Variants in EEFSEC observed in about 807,000 individuals in gnomAD.
EEFSEC encodes eukaryotic elongation factor, selenocysteine-tRNA specific, also known as selenocysteine-specific elongation factor.
Under a neutral mutation model 42.1 loss-of-function variants are expected in EEFSEC, and 43 were observed. That is an observed-to-expected ratio of 1.02 (90% CI 0.80 to 1.32). EEFSEC has a LOEUF of 1.32. Among genes scored for constraint, EEFSEC ranks in the 40% most tolerant of loss-of-function variants. The pLI is 0.00. For missense variants in EEFSEC, 745 were observed against 803.6 expected (o/e 0.93, Z 0.88); for synonymous variants, 354 against 339.1 (o/e 1.04, Z -0.48).
chr3:128,394,762 A>C (rs1230585012), intron 6 of EEFSEC, among the ~76,000 whole-genome samples: 1 of 152,136 alleles, frequency 6.6e-6, no homozygotes, highest in Non-Finnish European at 1.5e-5. Flanking sequence ...GGAGGGGCCC[A>C]TCCTTGCCTC....
chr3:128,418,677 C>G, the EEFSEC span, among the ~76,000 whole-genome samples: 1 of 152,028 alleles, frequency 6.6e-6, no homozygotes, highest in East Asian at 1.9e-4. Flanking sequence ...TGCCCAGCAC[C>G]CTTGACTGTG....
intron 1 of EEFSEC, among the ~76,000 whole-genome samples, chr3:128,154,437 A>G (rs189181160): frequency 1.3e-5 from 2 of 148,914 alleles, no homozygotes; most frequent in African/African-American, 4.9e-5. Context: ...TTGTACCAAC[A>G]TTTTCTTTTT....
intron 1 of EEFSEC, among the ~76,000 whole-genome samples, chr3:128,165,291 C>T (rs1482552651): frequency 6.6e-6 from 1 of 152,250 alleles, no homozygotes; most frequent in Non-Finnish European, 1.5e-5. Context: ...AAGCTGCTCT[C>T]AGACCTTAGC....
chr3:128,344,411 G>A (rs997039665), intron 5 of EEFSEC, among the ~76,000 whole-genome samples: 1 of 152,202 alleles, frequency 6.6e-6, no homozygotes, highest in South Asian at 2.1e-4. Context: ...TATGCACATG[G>A]TAAAAAATTT....
chr3:128,190,987 T>G (rs2065518205), intron 1 of EEFSEC, among the ~76,000 whole-genome samples: 1 of 151,820 alleles, frequency 6.6e-6, no homozygotes, highest in South Asian at 2.1e-4. Flanking sequence ...AATGTACAGG[T>G]TTGTAGCCTA....
At chr3:128,367,541 T>G (rs765373841) in intron 6 of EEFSEC, 103 of 719,244 alleles carry the variant, frequency 1.4e-4, no homozygotes, top group Non-Finnish European at 1.7e-4. Context: ...ACCTGCTGTG[T>G]GGACTCCTGT....
rs533611600 is a variant in EEFSEC, at chr3:128,352,536, C to A, written c.1444-5681C>A. Among the ~76,000 whole-genome samples, 15 of 152,364 alleles carry A rather than the reference C, an allele frequency of 9.8e-5. No homozygotes were observed. In the South Asian group the frequency reaches 2.9e-3, roughly 29 times the overall value. ...TCTCTGTAGCCAATTCCCAGCGCAA[C>A]CCTCTGTCTGGTTCTGAGGCCGGCA... On this transcript the variant is annotated intron_variant, in intron 5 of 6. Coordinates refer to ENST00000254730, the MANE Select transcript of EEFSEC (RefSeq NM_021937.5).
At chr3:128,223,143 T>C (rs1278807208) in intron 1 of EEFSEC, among the ~76,000 whole-genome samples, 1 of 152,216 alleles carries the variant, frequency 6.6e-6, no homozygotes, top group Non-Finnish European at 1.5e-5. Context: ...ACACTGAGGT[T>C]CAGGGAGCTT....
At chr3:128,279,605 C>T (rs1189713050) in intron 4 of EEFSEC, among the ~76,000 whole-genome samples, 2 of 152,280 alleles carry the variant, frequency 1.3e-5, no homozygotes, top group South Asian at 2.1e-4. Flanking sequence ...ATGTGGGGGT[C>T]GTTTTCCCAT....
At chr3:128,233,278 G>A (rs1187386294) in intron 1 of EEFSEC, among the ~76,000 whole-genome samples, 1 of 152,182 alleles carries the variant, frequency 6.6e-6, no homozygotes, top group East Asian at 1.9e-4. Context: ...ATTTAAGAGT[G>A]TTGTACTTAT....
intron 1 of EEFSEC, among the ~76,000 whole-genome samples, chr3:128,207,736 C>T (rs2065713894): frequency 6.6e-6 from 1 of 152,074 alleles, no homozygotes; most frequent in Non-Finnish European, 1.5e-5. Flanking sequence ...TCAGAATTTC[C>T]ATTTGGAGTT....
chr3:128,308,977 CT>C (rs2066861479), intron 4 of EEFSEC, among the ~76,000 whole-genome samples: 6 of 152,214 alleles, frequency 3.9e-5, no homozygotes, highest in Admixed American at 3.9e-4. Context: ...TTCTTTTGAA[CT>C]GAAAATTGAG....
chr3:128,282,153 C>T (rs2066532991), intron 4 of EEFSEC, among the ~76,000 whole-genome samples: 1 of 152,250 alleles, frequency 6.6e-6, no homozygotes, highest in African/African-American at 2.4e-5. Context: ...CTGTCTTCCC[C>T]TGCTGTGAGC....
chr3:128,273,988 T>G (rs2066441187), intron 4 of EEFSEC, among the ~76,000 whole-genome samples: 1 of 152,176 alleles, frequency 6.6e-6, no homozygotes, highest in Non-Finnish European at 1.5e-5. Flanking sequence ...GGGGCTCTAG[T>G]GCCCAAGACC....
At chr3:128,330,427 C>T (rs1019567372) in intron 4 of EEFSEC, among the ~76,000 whole-genome samples, 3 of 152,158 alleles carry the variant, frequency 2.0e-5, no homozygotes, top group Non-Finnish European at 1.5e-5. Context: ...GCTGTCTGCC[C>T]GATCCAGGAA....
the EEFSEC span, among the ~76,000 whole-genome samples, chr3:128,422,040 G>A: frequency 6.6e-6 from 1 of 152,136 alleles, no homozygotes. Context: ...AGACCAAGTT[G>A]CCCAGCACGG....
At chr3:128,360,417 G>A (rs1559939461) in intron 6 of EEFSEC, among the ~76,000 whole-genome samples, 1 of 152,214 alleles carries the variant, frequency 6.6e-6, no homozygotes, top group Non-Finnish European at 1.5e-5. Context: ...AGCTGGGTCG[G>A]GGGCCATACT....
chr3:128,369,334 G>T (rs2067626738), intron 6 of EEFSEC, among the ~76,000 whole-genome samples: 1 of 152,220 alleles, frequency 6.6e-6, no homozygotes, highest in African/African-American at 2.4e-5. Flanking sequence ...GGGCTGTGAG[G>T]CTGTGTGTTC....
intron 1 of EEFSEC, among the ~76,000 whole-genome samples, chr3:128,180,213 A>G (rs919220373): frequency 2.6e-5 from 4 of 152,202 alleles, no homozygotes; most frequent in African/African-American, 9.7e-5. Context: ...GTCTCATCAG[A>G]TCGAGTACTT....
Sources: gnomAD v4.1 joint callset for allele counts (sites outside exome capture counted in the v4.1 genomes callset) on GRCh38, gnomAD v4.1.1 for gene constraint, MANE v1.5 for transcripts, NCBI Gene and HGNC (gene_info 2026-07-23, HGNC 2026-07-21) for gene names.